Variants in DAB2IP observed in about 807,000 individuals in gnomAD.
DAB2IP encodes the protein disabled homolog 2-interacting protein.
A neutral mutation model predicts 107.2 loss-of-function variants in DAB2IP; 28 were observed. The observed-to-expected ratio is 0.26, with a 90% CI of 0.19 to 0.36. The LOEUF is 0.36. Ranked by LOEUF, DAB2IP falls within the 10% of genes least tolerant of loss-of-function variation. The pLI is 1.00. For synonymous variants in DAB2IP, 755 were observed against 706.4 expected, an observed-to-expected ratio of 1.07 and a Z score of -1.09; for missense variants, 1,400 against 1,644.7, an observed-to-expected ratio of 0.85 and a Z score of 2.57.
At chr9:121,732,773 A>G (rs1219911662) in intron 3 of DAB2IP, among the ~76,000 whole-genome samples, 1 of 152,204 alleles carries the variant, frequency 6.6e-6, no homozygotes. Context: ...AGCTTGGGCA[A>G]CTTTTCCAAC....
At chr9:121,770,455 G>T in intron 10 of DAB2IP, 91 bp from the exon 11 acceptor site, 1 of 1,424,456 alleles carries the variant, frequency 7.0e-7, no homozygotes, top group Non-Finnish European at 9.6e-7. Context: ...GACAGGCTCC[G>T]CAGTGGTTTT....
At chr9:121,630,219 C>T (rs1438902941) in intron 1 of DAB2IP, among the ~76,000 whole-genome samples, 1 of 152,160 alleles carries the variant, frequency 6.6e-6, no homozygotes, top group African/African-American at 2.4e-5. Flanking sequence ...TTATTAGCCC[C>T]AGATCTTGTT....
intron 3 of DAB2IP, among the ~76,000 whole-genome samples, chr9:121,710,377 G>C (rs1034881312): frequency 6.6e-5 from 10 of 152,162 alleles, no homozygotes; most frequent in Non-Finnish European, 1.5e-4. Context: ...GGTGGTAGGG[G>C]TGGCAGTGGA....
chr9:121,569,129 C>T (rs534649314), intron 1 of DAB2IP, among the ~76,000 whole-genome samples: 2 of 152,344 alleles, frequency 1.3e-5, no homozygotes, highest in Admixed American at 1.3e-4. Flanking sequence ...GGTCTCCCAC[C>T]CAGCCAGCCT....
At chr9:121,584,749 G>A (rs184516543) in intron 1 of DAB2IP, among the ~76,000 whole-genome samples, 7 of 152,238 alleles carry the variant, frequency 4.6e-5, no homozygotes, top group Admixed American at 1.3e-4. Flanking sequence ...GAAGCGGGGC[G>A]CAGAGTGGCT....
At chr9:121,763,212 G>A (rs1834019177) in intron 6 of DAB2IP, among the ~76,000 whole-genome samples, 1 of 152,184 alleles carries the variant, frequency 6.6e-6, no homozygotes, top group South Asian at 2.1e-4. Flanking sequence ...CATTCTCTGT[G>A]GTGGTGGGGG....
At chr9:121,713,414 G>T (rs1830431938) in intron 3 of DAB2IP, among the ~76,000 whole-genome samples, 1 of 152,184 alleles carries the variant, frequency 6.6e-6, no homozygotes, top group African/African-American at 2.4e-5. Context: ...CCAAGCTGTG[G>T]GGCCTGGCTT....
chr9:121,749,211 G>T (rs922870733), intron 3 of DAB2IP, among the ~76,000 whole-genome samples: 1 of 152,268 alleles, frequency 6.6e-6, no homozygotes, highest in Non-Finnish European at 1.5e-5. Context: ...GCGGGGCAAG[G>T]CTGGGCTTGG....
At chr9:121,743,688 C>T (rs576369939) in intron 3 of DAB2IP, among the ~76,000 whole-genome samples, 6 of 152,338 alleles carry the variant, frequency 3.9e-5, no homozygotes, top group African/African-American at 1.4e-4. Context: ...CTCGGCTTCC[C>T]GAGCCTGGTG....
At chr9:121,783,675 C>T (rs1249582227) in exon 16 of DAB2IP, 1 of 1,242,446 alleles carries the variant, frequency 8.0e-7, no homozygotes, top group Non-Finnish European at 1.2e-6. Flanking sequence ...GCAGCCTGCA[C>T]CTGCCCCGTG....
At chr9:121,652,935 G>A (rs1459869047) in intron 1 of DAB2IP, among the ~76,000 whole-genome samples, 1 of 152,132 alleles carries the variant, frequency 6.6e-6, no homozygotes, top group Non-Finnish European at 1.5e-5. Context: ...CCCACAGTCA[G>A]GTCTGAGTAG....
intron 1 of DAB2IP, chr9:121,598,375 TCAAGGAGCCGGG>T (rs1458596674): frequency 3.5e-5 from 2 of 56,956 alleles, no homozygotes; most frequent in Non-Finnish European, 7.8e-5. Context: ...CCGGGACGGC[TCAAGGAGCCGGG>T]AGCCCTGCAC....
At chr9:121,570,107 C>CTTTTTT (rs60818537) in intron 1 of DAB2IP, among the ~76,000 whole-genome samples, 4 of 101,504 alleles carry the variant, frequency 3.9e-5, no homozygotes, top group Non-Finnish European at 5.6e-5. Context: ...TTCTCTTTCT[C>CTTTTTT]TTTTTTTTTT....
intron 1 of DAB2IP, among the ~76,000 whole-genome samples, chr9:121,644,788 G>A (rs1832482765): frequency 1.3e-5 from 2 of 152,194 alleles, no homozygotes; most frequent in Non-Finnish European, 2.9e-5. Context: ...ACAGAGAGGT[G>A]AGGCAGTGAT....
chr9:121,625,873 C>T (rs781688771), intron 1 of DAB2IP, among the ~76,000 whole-genome samples: 15 of 152,124 alleles, frequency 9.9e-5, no homozygotes, highest in African/African-American at 2.9e-4. Flanking sequence ...CTTGATCTTC[C>T]GGCCATCGTG....
chr9:121,622,259 A>T (rs1207209448), intron 1 of DAB2IP, among the ~76,000 whole-genome samples: 1 of 152,060 alleles, frequency 6.6e-6, no homozygotes, highest in Non-Finnish European at 1.5e-5. Context: ...AAGCTTTGGG[A>T]TTACAGGCGT....
intron 1 of DAB2IP, among the ~76,000 whole-genome samples, chr9:121,667,877 A>G (rs997194987): frequency 4.6e-5 from 7 of 152,210 alleles, no homozygotes; most frequent in Non-Finnish European, 1.0e-4. Context: ...ACTGGGAAGA[A>G]AAAGAGGTGT....
intron 3 of DAB2IP, among the ~76,000 whole-genome samples, chr9:121,744,189 C>T (rs77257314): frequency 0.011 from 1,722 of 152,308 alleles, 20 homozygotes; most frequent in African/African-American, 0.039. Flanking sequence ...TCTGCCCCAG[C>T]TCCTCAGCAG....
At chr9:121,672,174 T>G (rs1299594008) in intron 1 of DAB2IP, among the ~76,000 whole-genome samples, 2 of 152,246 alleles carry the variant, frequency 1.3e-5, no homozygotes, top group Non-Finnish European at 1.5e-5. Context: ...CCAAAAGGTA[T>G]GAAATGGCAT....
Sources: gnomAD v4.1 joint callset for allele counts (sites outside exome capture counted in the v4.1 genomes callset) on GRCh38, gnomAD v4.1.1 for gene constraint, MANE v1.5 for transcripts, NCBI Gene and HGNC (gene_info 2026-07-23, HGNC 2026-07-21) for gene names.